The following SUGCT variants were observed in gnomAD, a reference collection of about 807,000 sequenced individuals.
SUGCT encodes succinyl-CoA:glutarate-CoA transferase.
In SUGCT, 41 loss-of-function variants were observed where a neutral mutation model predicts 55.0. The observed-to-expected ratio is 0.74, with a 90% CI of 0.58 to 0.97. The LOEUF is 0.97. Ranked by LOEUF, SUGCT falls within the 50% of genes least tolerant of loss-of-function variation. SUGCT has a pLI of 0.00. For synonymous variants in SUGCT, 187 were observed against 200.4 expected (o/e 0.93, Z 0.56); for missense variants, 568 against 547.8 (o/e 1.04, Z -0.37).
At chr7:40,197,346 A>G (rs1254831852) in intron 6 of SUGCT, among the ~76,000 whole-genome samples, 1 of 152,228 alleles carries the variant, frequency 6.6e-6, no homozygotes, top group Admixed American at 6.5e-5. Context: ...GAGGTTTAAA[A>G]TCTTAATATA....
intron 12 of SUGCT, among the ~76,000 whole-genome samples, chr7:40,642,098 G>T (rs560863502): frequency 6.6e-6 from 1 of 152,236 alleles, no homozygotes; most frequent in African/African-American, 2.4e-5. Context: ...AGTAAGTTTG[G>T]TAATAGTGAT....
At chr7:40,233,487 G>A (rs1788840529) in intron 6 of SUGCT, among the ~76,000 whole-genome samples, 1 of 152,046 alleles carries the variant, frequency 6.6e-6, no homozygotes, top group African/African-American at 2.4e-5. Context: ...CCAAAGTGCT[G>A]GGATTACAGG....
At chr7:40,503,480 A>C (rs545172351) in intron 12 of SUGCT, among the ~76,000 whole-genome samples, 3 of 152,252 alleles carry the variant, frequency 2.0e-5, no homozygotes, top group Non-Finnish European at 4.4e-5. Flanking sequence ...TGGGGCTAGC[A>C]AAAAATAAAG....
At chr7:40,797,947 C>G (rs977912478) in intron 13 of SUGCT, among the ~76,000 whole-genome samples, 3 of 152,184 alleles carry the variant, frequency 2.0e-5, no homozygotes, top group African/African-American at 7.2e-5. Context: ...TGATTAGCCA[C>G]TCAGATATAT....
chr7:40,249,341 A>ATG (rs1554296383), intron 7 of SUGCT, among the ~76,000 whole-genome samples: 2 of 131,620 alleles, frequency 1.5e-5, no homozygotes, highest in African/African-American at 2.9e-5. Context: ...ATATATATAT[A>ATG]TATATAATTA....
intron 12 of SUGCT, chr7:40,684,183 G>A: frequency 6.6e-7 from 1 of 1,518,944 alleles, no homozygotes; most frequent in Non-Finnish European, 8.8e-7. Context: ...AGCCAGGAAA[G>A]GATAATCCAG....
At chr7:41,009,448 A>G in the SUGCT span, among the ~76,000 whole-genome samples, 2 of 152,140 alleles carry the variant, frequency 1.3e-5, no homozygotes, top group African/African-American at 4.8e-5. Context: ...CTTCTTGTGA[A>G]TTTGGTTGCT....
intron 12 of SUGCT, among the ~76,000 whole-genome samples, chr7:40,719,977 G>T (rs1277055976): frequency 2.0e-5 from 3 of 152,098 alleles, no homozygotes; most frequent in Non-Finnish European, 4.4e-5. Flanking sequence ...TGTATTTTTA[G>T]TAGAGATCAT....
In SUGCT at chr7:40,426,640, G is replaced by A. The variant is rs150975732; in HGVS notation, c.817-22647G>A. 9.9e-5 allele frequency among the ~76,000 whole-genome samples: 15 copies of A among 152,138 alleles called. 1 individual carries two copies. The East Asian group carries it at 2.5e-3, about 26-fold the overall frequency. ...TAGATGGAAGACAGCCACACTGTGG[G>A]GATTCTGGAATTAGATTTCAGGCCC... On this transcript the variant is annotated intron_variant, in intron 9 of 13. Coordinates refer to ENST00000335693, the MANE Select transcript of SUGCT (RefSeq NM_001193313.2).
At chr7:40,980,124 T>C in the SUGCT span, among the ~76,000 whole-genome samples, 2 of 152,022 alleles carry the variant, frequency 1.3e-5, no homozygotes, top group Non-Finnish European at 2.9e-5. Flanking sequence ...TGTCCTTACA[T>C]GCAAGAGAGA....
At chr7:40,897,905 TC>T in the SUGCT span, among the ~76,000 whole-genome samples, 1 of 116,280 alleles carries the variant, frequency 8.6e-6, no homozygotes, top group Non-Finnish European at 2.1e-5. Flanking sequence ...ACCAATCAGC[TC>T]TCTGTAAAAT....
chr7:40,456,043 T>C (rs1332427029), intron 10 of SUGCT, among the ~76,000 whole-genome samples: 1 of 152,162 alleles, frequency 6.6e-6, no homozygotes, highest in Non-Finnish European at 1.5e-5. Flanking sequence ...TTTTTATTTA[T>C]GAGATGGAGT....
intron 9 of SUGCT, among the ~76,000 whole-genome samples, chr7:40,346,644 C>T (rs1359951035): frequency 6.6e-6 from 1 of 152,194 alleles, no homozygotes; most frequent in Non-Finnish European, 1.5e-5. Context: ...CATACACACA[C>T]ACTGTTGTTA....
chr7:40,205,436 G>A (rs1418001866), intron 6 of SUGCT, among the ~76,000 whole-genome samples: 3 of 151,818 alleles, frequency 2.0e-5, no homozygotes, highest in South Asian at 2.1e-4. Flanking sequence ...GAGGTCAGGA[G>A]TTTGAGACCA....
intron 8 of SUGCT, among the ~76,000 whole-genome samples, chr7:40,306,741 TC>T (rs1794871118): frequency 6.6e-6 from 1 of 152,244 alleles, no homozygotes; most frequent in Non-Finnish European, 1.5e-5. Flanking sequence ...ATGTTGTTTT[TC>T]TACATTTCCA....
At chr7:40,831,846 G>T (rs1476209971) in intron 13 of SUGCT, among the ~76,000 whole-genome samples, 1 of 152,190 alleles carries the variant, frequency 6.6e-6, no homozygotes, top group African/African-American at 2.4e-5. Context: ...AAGGCTACCA[G>T]GCATATTAAG....
chr7:40,677,082 T>A (rs1784030050), intron 12 of SUGCT, among the ~76,000 whole-genome samples: 1 of 152,136 alleles, frequency 6.6e-6, no homozygotes. Context: ...TACCTCTAAC[T>A]CTACAGCTTT....
At chr7:40,826,677 T>A (rs1052318557) in intron 13 of SUGCT, among the ~76,000 whole-genome samples, 1 of 152,212 alleles carries the variant, frequency 6.6e-6, no homozygotes, top group Non-Finnish European at 1.5e-5. Flanking sequence ...GAGAATGTTG[T>A]TAATTCTGAC....
At chr7:40,828,282 A>G (rs1417100879) in intron 13 of SUGCT, among the ~76,000 whole-genome samples, 2 of 152,150 alleles carry the variant, frequency 1.3e-5, no homozygotes, top group Non-Finnish European at 2.9e-5. Flanking sequence ...GAGGGCTCCT[A>G]TCAGGGAAGG....
Sources: allele counts gnomAD v4.1 joint callset (sites outside exome capture counted in the v4.1 genomes callset), GRCh38; gene constraint gnomAD v4.1.1; transcripts MANE v1.5; gene names NCBI Gene and HGNC (gene_info 2026-07-23, HGNC 2026-07-21).